Variants in EPB41L4A observed in about 807,000 individuals in gnomAD.
EPB41L4A encodes band 4.1-like protein 4A.
In EPB41L4A, 100 loss-of-function variants were observed where a neutral mutation model predicts 108.6. The ratio of observed to expected loss-of-function variants is 0.92; its 90% CI spans 0.78 to 1.09. EPB41L4A has a LOEUF of 1.09. Ranked by LOEUF, EPB41L4A falls within the 50% of genes least tolerant of loss-of-function variation. The probability of loss-of-function intolerance (pLI) is 0.00; values close to 1 mark genes in which losing one functional copy is unlikely to be tolerated. For synonymous variants in EPB41L4A, 319 were observed against 289.0 expected (o/e 1.10, Z -1.05); for missense variants, 1,030 against 842.7 (o/e 1.22, Z -2.75).
At chr5:112,270,433 G>C (rs1752178061) in intron 4 of EPB41L4A, among the ~76,000 whole-genome samples, 1 of 151,984 alleles carries the variant, frequency 6.6e-6, no homozygotes, top group Non-Finnish European at 1.5e-5. Context: ...AAATATGAGA[G>C]TCAAAGGGAA....
At chr5:112,419,921 G>C (rs1443891085), upstream of EPB41L4A, 1 of 456,454 alleles carries the variant, frequency 2.2e-6, no homozygotes, top group Non-Finnish European at 4.4e-6. Context: ...CAGCAAAGCG[G>C]GGAGGCGGGG....
chr5:112,350,085 CAT>C (rs368403241), intron 1 of EPB41L4A, among the ~76,000 whole-genome samples: 52 of 152,342 alleles, frequency 3.4e-4, no homozygotes, highest in Middle Eastern at 3.4e-3. Flanking sequence ...GCTAGCCACA[CAT>C]GTCTACAGAG....
intron 12 of EPB41L4A, among the ~76,000 whole-genome samples, chr5:112,154,647 A>G (rs574763516): frequency 7.2e-5 from 11 of 152,346 alleles, no homozygotes; most frequent in African/African-American, 1.2e-4. Flanking sequence ...TGGAATGTCC[A>G]TTTTACACTG....
chr5:112,293,693 GC>G (rs1380066372), intron 2 of EPB41L4A, among the ~76,000 whole-genome samples: 1 of 152,174 alleles, frequency 6.6e-6, no homozygotes, highest in African/African-American at 2.4e-5. Flanking sequence ...TTTTCCCGAT[GC>G]CGCAGTGAGG....
At chr5:112,384,286 A>T (rs566343258) in intron 1 of EPB41L4A, among the ~76,000 whole-genome samples, 2 of 152,348 alleles carry the variant, frequency 1.3e-5, no homozygotes, top group African/African-American at 2.4e-5. Flanking sequence ...ACAAAAGATG[A>T]TAATATAGAT....
rs140184927 is a variant in EPB41L4A at position 112,154,368 on chromosome 5, T to C, written n.994+4033A>G. On this transcript the variant is annotated intron_variant and non_coding_transcript_variant, in intron 12 of 13. Coordinates refer to the EPB41L4A transcript ENST00000507810. ...CCACTACTTATAAATGTATTTTTTG[T>C]ACTTTGGACATATGCATGTGCACTG... is the stretch of plus-strand genomic sequence containing the variant. Among the ~76,000 whole-genome samples the C allele has an allele frequency of 1.9e-3, 290 of 152,372 alleles. 2 individuals carry two copies. The highest frequency in any genetic ancestry group is 0.014 in the South Asian group (68 of 4,830).
chr5:112,394,206 T>G (rs1181935881), intron 1 of EPB41L4A, among the ~76,000 whole-genome samples: 1 of 152,108 alleles, frequency 6.6e-6, no homozygotes, highest in African/African-American at 2.4e-5. Context: ...CTCTCACCAC[T>G]CCTATTCAAC....
chr5:112,260,948 T>G (rs1055328632), intron 7 of EPB41L4A, among the ~76,000 whole-genome samples: 2 of 152,242 alleles, frequency 1.3e-5, no homozygotes, highest in African/African-American at 4.8e-5. Flanking sequence ...GCCATAAATT[T>G]CTACCATCAA....
At chr5:112,189,387 T>C (rs1452843782) in intron 17 of EPB41L4A, among the ~76,000 whole-genome samples, 6 of 152,200 alleles carry the variant, frequency 3.9e-5, no homozygotes, top group African/African-American at 1.4e-4. Flanking sequence ...AAATGAAGAT[T>C]CACAGGATAA....
intron 1 of EPB41L4A, among the ~76,000 whole-genome samples, chr5:112,393,032 T>C (rs542587312): frequency 5.3e-5 from 8 of 152,158 alleles, no homozygotes; most frequent in Non-Finnish European, 1.0e-4. Context: ...AAGATGTTCC[T>C]TGAAACCAAT....
intron 9 of EPB41L4A, chr5:112,250,732 T>C (rs6888754): frequency 0.59 from 89,143 of 151,938 alleles, 26,598 homozygotes; most frequent in African/African-American, 0.62. Flanking sequence ...CCTGGGCTTC[T>C]CTTCCTGCCA....
chr5:112,382,171 A>G (rs1760215504), intron 1 of EPB41L4A, among the ~76,000 whole-genome samples: 1 of 152,236 alleles, frequency 6.6e-6, no homozygotes, highest in South Asian at 2.1e-4. Context: ...TAGGAAGAGA[A>G]AGCTCTTTCC....
chr5:112,370,322 C>T (rs1167098641), intron 1 of EPB41L4A, among the ~76,000 whole-genome samples: 1 of 151,742 alleles, frequency 6.6e-6, no homozygotes, highest in Non-Finnish European at 1.5e-5. Flanking sequence ...CAGGTGTGAG[C>T]CACCACATAT....
rs376292020 is a variant in EPB41L4A, at chr5:112,334,191, A to G, written c.100-26701T>C. Among the ~76,000 whole-genome samples the G allele has an allele frequency of 2.6e-5, 4 of 152,158 alleles. No homozygotes were observed. In the East Asian group the frequency reaches 7.7e-4, roughly 29 times the overall value. ...TTGTAGCAACAAGATACCAATTCCA[A>G]CCTGACTTTGGTATATAACATCACA... On this transcript the variant is annotated intron_variant, in intron 1 of 22. Coordinates refer to ENST00000261486, the MANE Select transcript of EPB41L4A (RefSeq NM_022140.5).
chr5:112,312,442 G>A (rs559022654), intron 1 of EPB41L4A, among the ~76,000 whole-genome samples: 1 of 152,202 alleles, frequency 6.6e-6, no homozygotes, highest in East Asian at 1.9e-4. Flanking sequence ...CAAATCCAGT[G>A]CTGACCATAA....
chr5:112,225,016 C>T (rs1452123518), intron 12 of EPB41L4A, among the ~76,000 whole-genome samples: 3 of 152,322 alleles, frequency 2.0e-5, no homozygotes, highest in South Asian at 2.1e-4. Context: ...TCACAATACC[C>T]GTCAAAGGCC....
At chr5:112,183,626 G>C (rs188255963) in intron 18 of EPB41L4A, among the ~76,000 whole-genome samples, 1 of 152,312 alleles carries the variant, frequency 6.6e-6, no homozygotes, top group East Asian at 1.9e-4. Context: ...TTGATGGGAA[G>C]ATATTCACAT....
At position 112,151,396 on chromosome 5, in the gene EPB41L4A, T is replaced by A. The variant is rs1348934785; in HGVS notation, n.995-5398A>T. Among the ~76,000 whole-genome samples, 7 of 150,362 alleles carry A rather than the reference T, an allele frequency of 4.7e-5. No homozygotes were observed. The East Asian group carries it at 1.4e-3, about 29-fold the overall frequency. On this transcript the variant is annotated intron_variant and non_coding_transcript_variant, in intron 12 of 13. Coordinates refer to the EPB41L4A transcript ENST00000507810. ...AGGATAAATATATATTTATATATAT[T>A]TGTATATTATTTTATTTTTATTTAT...
chr5:112,224,368 T>C (rs1748305199), intron 12 of EPB41L4A, among the ~76,000 whole-genome samples: 1 of 152,096 alleles, frequency 6.6e-6, no homozygotes, highest in Non-Finnish European at 1.5e-5. Flanking sequence ...TTTGCAAGAC[T>C]TTTGAAATGG....
Sources: gnomAD v4.1 joint callset for allele counts (sites outside exome capture counted in the v4.1 genomes callset) on GRCh38, gnomAD v4.1.1 for gene constraint, MANE v1.5 for transcripts, NCBI Gene and HGNC (gene_info 2026-07-23, HGNC 2026-07-21) for gene names.